Variants in ULK4 observed in about 807,000 individuals in gnomAD.
ULK4 encodes the protein inactive serine/threonine-protein kinase ULK4.
In ULK4, 133 loss-of-function variants were observed where a neutral mutation model predicts 160.6. The ratio of observed to expected loss-of-function variants is 0.83; its 90% CI spans 0.72 to 0.96. The LOEUF (loss-of-function observed/expected upper bound fraction) is 0.96. ULK4 is among the 40% of genes least tolerant of loss of function. The pLI, the probability that ULK4 is intolerant of heterozygous loss-of-function variation, is 0.00. For missense variants in ULK4, 1,580 were observed against 1,499.5 expected (o/e 1.05, Z -0.89); for synonymous variants, 534 against 539.8 (o/e 0.99, Z 0.15).
intron 35 of ULK4, among the ~76,000 whole-genome samples, chr3:41,293,920 G>A (rs965348792): frequency 5.3e-5 from 8 of 152,216 alleles, no homozygotes; most frequent in Admixed American, 4.6e-4. Context: ...GAAAGGTGGA[G>A]AGAAAGCAAA....
At chr3:41,850,729 T>C (rs906232354) in intron 17 of ULK4, among the ~76,000 whole-genome samples, 3 of 152,212 alleles carry the variant, frequency 2.0e-5, no homozygotes, top group African/African-American at 7.2e-5. Flanking sequence ...GATGAGTAGG[T>C]TGCAAAAATT....
At chr3:41,901,172 CTTTTTTTTTTT>C (rs201425733) in intron 12 of ULK4, among the ~76,000 whole-genome samples, 87,845 of 121,106 alleles carry the variant, frequency 0.73, 32,663 homozygotes, top group South Asian at 0.84. Flanking sequence ...AGCATGGCTT[CTTTTTTTTTTT>C]TTTTTTTTTT....
At chr3:41,594,272 C>A (rs1183066510) in intron 31 of ULK4, among the ~76,000 whole-genome samples, 1 of 152,138 alleles carries the variant, frequency 6.6e-6, no homozygotes, top group Non-Finnish European at 1.5e-5. Context: ...CACGGCAGCT[C>A]ATGTCTATAA....
intron 27 of ULK4, among the ~76,000 whole-genome samples, chr3:41,683,553 A>G (rs1032086799): frequency 3.3e-5 from 5 of 150,976 alleles, no homozygotes; most frequent in Non-Finnish European, 7.4e-5. Context: ...GTGACCCCTC[A>G]CAACCCACCC....
chr3:41,614,893 C>T (rs1165691874), intron 31 of ULK4, among the ~76,000 whole-genome samples: 1 of 152,166 alleles, frequency 6.6e-6, no homozygotes, highest in African/African-American at 2.4e-5. Context: ...GCTGATCTGG[C>T]TGGGGAAGTG....
At chr3:41,790,392 G>A (rs978519799) in intron 20 of ULK4, among the ~76,000 whole-genome samples, 12 of 152,192 alleles carry the variant, frequency 7.9e-5, no homozygotes, top group South Asian at 4.1e-4. Context: ...AAATTAAACC[G>A]ATATAATCAG....
chr3:41,532,351 G>A (rs1487345788), intron 32 of ULK4, among the ~76,000 whole-genome samples: 1 of 152,200 alleles, frequency 6.6e-6, no homozygotes, highest in Admixed American at 6.5e-5. Context: ...AGGCTACCCA[G>A]TGAAGGACTT....
chr3:41,586,632 G>A (rs931743111), intron 31 of ULK4, among the ~76,000 whole-genome samples: 4 of 152,060 alleles, frequency 2.6e-5, no homozygotes, highest in Admixed American at 1.3e-4. Context: ...TGTTAAAATG[G>A]TAAATTTAAT....
chr3:41,598,677 C>CCA (rs1033044732), intron 31 of ULK4, among the ~76,000 whole-genome samples: 46 of 148,116 alleles, frequency 3.1e-4, no homozygotes, highest in African/African-American at 8.4e-4. Flanking sequence ...ATATACACCC[C>CCA]CACACACACA....
intron 17 of ULK4, among the ~76,000 whole-genome samples, chr3:41,862,484 A>C (rs1283734159): frequency 6.6e-6 from 1 of 152,120 alleles, no homozygotes; most frequent in Admixed American, 6.6e-5. Context: ...CTGGGCACTG[A>C]AGAGTTAGGT....
Position 41,651,325 on chromosome 3 carries a change from C to G in ULK4, c.3071+12282G>C, listed in dbSNP as rs556157732. Among the ~76,000 whole-genome samples, 14 of 152,302 alleles carry G rather than the reference C, an allele frequency of 9.2e-5. No individual in the cohort carries two copies. The South Asian group carries it at 2.9e-3, about 32-fold the overall frequency. The stretch of plus-strand genomic sequence containing the variant: ...TCACCTTCCCAAAGAGAGGCTGTCT[C>G]TGTCCACCCTCTCAAAAACAGCCCA... On this transcript the variant is annotated intron_variant, in intron 30 of 36. Transcript: ENST00000301831.
intron 32 of ULK4, among the ~76,000 whole-genome samples, chr3:41,466,435 G>T (rs2083836403): frequency 6.6e-6 from 1 of 152,090 alleles, no homozygotes; most frequent in African/African-American, 2.4e-5. Context: ...TCAACAAAAG[G>T]GTAAGGAAAA....
At chr3:41,562,054 C>T (rs542093105) in intron 32 of ULK4, among the ~76,000 whole-genome samples, 10 of 152,252 alleles carry the variant, frequency 6.6e-5, no homozygotes, top group African/African-American at 2.2e-4. Context: ...GATTCTGGTA[C>T]GTTGTGTCTT....
chr3:41,784,038 G>C (rs1371628439), intron 21 of ULK4, among the ~76,000 whole-genome samples: 1 of 152,100 alleles, frequency 6.6e-6, no homozygotes, highest in East Asian at 1.9e-4. Context: ...GAAGCTTCTT[G>C]GTCAGTCATT....
intron 32 of ULK4, among the ~76,000 whole-genome samples, chr3:41,487,627 C>A (rs1255632641): frequency 6.6e-6 from 1 of 152,028 alleles, no homozygotes; most frequent in Non-Finnish European, 1.5e-5. Flanking sequence ...GTATAACTAC[C>A]TAACCATTAA....
intron 31 of ULK4, among the ~76,000 whole-genome samples, chr3:41,598,876 C>G (rs999616428): frequency 1.4e-4 from 22 of 152,218 alleles, no homozygotes; most frequent in African/African-American, 5.3e-4. Flanking sequence ...TCTTACAGTT[C>G]TAGACGTCAG....
intron 21 of ULK4, among the ~76,000 whole-genome samples, chr3:41,775,782 T>A (rs1227765300): frequency 6.6e-6 from 1 of 150,914 alleles, no homozygotes; most frequent in East Asian, 1.9e-4. Context: ...GCCCATATCC[T>A]TCTGCAGCTT....
intron 3 of ULK4, among the ~76,000 whole-genome samples, chr3:41,936,469 T>C (rs1318915341): frequency 2.6e-5 from 4 of 152,130 alleles, no homozygotes; most frequent in Admixed American, 6.5e-5. Context: ...TTCTCTACCA[T>C]CTAAGTGCCA....
intron 18 of ULK4, among the ~76,000 whole-genome samples, chr3:41,826,554 G>C (rs1276672753): frequency 6.7e-6 from 1 of 148,848 alleles, no homozygotes; most frequent in Non-Finnish European, 1.5e-5. Context: ...GATCAAAAGA[G>C]ACAAAGAAGG....
Sources: allele counts gnomAD v4.1 joint callset (sites outside exome capture counted in the v4.1 genomes callset), GRCh38; gene constraint gnomAD v4.1.1; transcripts MANE v1.5; gene names NCBI Gene and HGNC (gene_info 2026-07-23, HGNC 2026-07-21).